SEC31A: variants seen among roughly 807,000 people sequenced by gnomAD.
SEC31A encodes the protein SEC31 homolog A, COPII component.
Under a neutral mutation model 151.0 loss-of-function variants are expected in SEC31A, and 70 were observed. That is an observed-to-expected ratio of 0.46 (90% CI 0.38 to 0.57). SEC31A has a LOEUF of 0.57. Among genes scored for constraint, SEC31A ranks in the 20% least tolerant of loss-of-function variants. The pLI is 0.00. For missense variants in SEC31A, 1,330 were observed against 1,471.2 expected (o/e 0.90, Z 1.57); for synonymous variants, 475 against 505.9 (o/e 0.94, Z 0.82).
intron 3 of SEC31A, among the ~76,000 whole-genome samples, chr4:82,879,492 G>T (rs1428775646): frequency 6.6e-6 from 1 of 151,990 alleles, no homozygotes; most frequent in Non-Finnish European, 1.5e-5. Context: ...ATGACATCAA[G>T]ATTATAACAA....
chr4:82,880,897 T>C lies in SEC31A; in HGVS notation c.105A>G (p.Ala35=). 1 of 1,610,430 alleles carries C rather than the reference T, an allele frequency of 6.2e-7. No individual in the cohort carries two copies. Among genetic ancestry groups the C allele is most frequent in the Non-Finnish European group, 8.5e-7 (1 of 1,177,116 alleles). Residue 35 remains alanine (A), a synonymous_variant, in exon 3 of 27, where the codon GCA becomes GCG. Coordinates refer to ENST00000395310, the MANE Select transcript of SEC31A (RefSeq NM_001077207.4). ...CAAGGGAAGCATTCGTACTAAATGTTGCATCCAATTGCTGAGCAGATGTTC... is the reference window on the plus strand; with the variant it reads ...CAAGGGAAGCATTCGTACTAAATGTCGCATCCAATTGCTGAGCAGATGTTC... ...ATGTSAQQLD[A]TFSTNASLEI...
At chr4:82,835,709 T>C (rs905721076) in intron 22 of SEC31A, among the ~76,000 whole-genome samples, 1 of 152,016 alleles carries the variant, frequency 6.6e-6, no homozygotes, top group Non-Finnish European at 1.5e-5. Flanking sequence ...GCATGAGAAT[T>C]GCTTGAACCT....
At chr4:82,857,928 C>T in intron 14 of SEC31A, 164 bp from the exon 15 acceptor site, 1 of 505,018 alleles carries the variant, frequency 2.0e-6, no homozygotes, top group Non-Finnish European at 3.6e-6. Flanking sequence ...CTATGCCTTC[C>T]CTAAATATTA....
intron 20 of SEC31A, among the ~76,000 whole-genome samples, chr4:82,848,032 T>C (rs955277108): frequency 1.3e-5 from 2 of 152,214 alleles, no homozygotes; most frequent in Non-Finnish European, 2.9e-5. Context: ...CAGCAATTTG[T>C]TCTATTTTAA....
chr4:82,821,979 A>G (rs897289304), intron 25 of SEC31A, among the ~76,000 whole-genome samples: 1 of 152,194 alleles, frequency 6.6e-6, no homozygotes, highest in Non-Finnish European at 1.5e-5. Flanking sequence ...GCAGCTTAAG[A>G]TTACTGAGGG....
intron 18 of SEC31A, among the ~76,000 whole-genome samples, chr4:82,852,464 T>C (rs1008560408): frequency 2.0e-5 from 3 of 152,202 alleles, no homozygotes; most frequent in Non-Finnish European, 4.4e-5. Flanking sequence ...GGAGCTATGC[T>C]TCTGGTAGAA....
At chr4:82,884,070 G>T (rs984959193) in intron 1 of SEC31A, among the ~76,000 whole-genome samples, 2 of 145,558 alleles carry the variant, frequency 1.4e-5, no homozygotes, top group Admixed American at 7.1e-5. Context: ...TCACTGCAAC[G>T]TCTGCCTCCG....
At position 82,819,137 on chromosome 4, in the gene SEC31A, C is replaced by T. The variant is rs1560573512; in HGVS notation, c.3600G>A (p.Glu1200=). ...TGAGAACTGGCATGAAAGCAGAGGT[C>T]TCACTGAAGTTGCTGGTGCTAACTA... ...THIVSTSNFS[E]TSAFMPVLKV... is the part of the protein sequence containing the mutation. The change falls in exon 27 of 27, where the codon GAG becomes GAA. Residue 1200 remains glutamate (E), a synonymous_variant. Transcript: ENST00000395310. The T allele has an allele frequency of 3.1e-6, 5 of 1,612,000 alleles. No homozygotes were observed. The highest frequency in any genetic ancestry group is 3.4e-6 in the Non-Finnish European group (4 of 1,178,994).
At chr4:82,849,722 AAG>A (rs1731077870) in intron 19 of SEC31A, among the ~76,000 whole-genome samples, 1 of 150,960 alleles carries the variant, frequency 6.6e-6, no homozygotes, top group South Asian at 2.1e-4. Context: ...AAAATGTTAA[AAG>A]AGATTTTTGA....
chr4:82,843,407 G>A (rs1045336637), intron 21 of SEC31A, among the ~76,000 whole-genome samples: 2 of 152,146 alleles, frequency 1.3e-5, no homozygotes, highest in Non-Finnish European at 2.9e-5. Flanking sequence ...CCAAAGTGCT[G>A]GGATTGCAGG....
chr4:82,863,414 C>A, intron 11 of SEC31A, 22 bp from the exon 12 acceptor site: 1 of 1,478,906 alleles, frequency 6.8e-7, no homozygotes, highest in Non-Finnish European at 9.1e-7. Context: ...AAGACATATT[C>A]TTAAAACAAA....
intron 8 of SEC31A, among the ~76,000 whole-genome samples, chr4:82,868,527 AT>A (rs66873735): frequency 0.45 from 66,886 of 149,490 alleles, 17,659 homozygotes; most frequent in Admixed American, 0.59. Context: ...ACTAAAAAAA[AT>A]AAATAAATAA....
In SEC31A at chr4:82,819,047, A is replaced by G. The variant is rs771752173; in HGVS notation, c.*27T>C. ...AACATGTTTCTTTGGAAAAATGGCA[A>G]TATTGAGTGGAAGAGAAGCTGTCCT... On this transcript the variant is annotated 3_prime_UTR_variant, in exon 27 of 27. Transcript: ENST00000395310. 1.3e-6 allele frequency: 2 copies of G among 1,564,082 alleles called. No individual in the cohort carries two copies. Among genetic ancestry groups the G allele is most frequent in the Non-Finnish European group, 1.7e-6 (2 of 1,157,992 alleles).
chr4:82,849,801 A>G (rs1353415735), intron 19 of SEC31A, among the ~76,000 whole-genome samples: 2 of 152,160 alleles, frequency 1.3e-5, no homozygotes, highest in African/African-American at 2.4e-5. Flanking sequence ...GAGACTTACA[A>G]AAGTATGAGG....
intron 1 of SEC31A, among the ~76,000 whole-genome samples, chr4:82,890,134 G>A (rs1578422438): frequency 6.7e-6 from 1 of 148,562 alleles, no homozygotes; most frequent in East Asian, 2.0e-4. Context: ...AGGCTGAGAC[G>A]GAGGTTGCAG....
At chr4:82,884,618 A>G (rs1740233560) in intron 1 of SEC31A, among the ~76,000 whole-genome samples, 1 of 152,220 alleles carries the variant, frequency 6.6e-6, no homozygotes, top group Non-Finnish European at 1.5e-5. Context: ...TGTATATTCT[A>G]TGGGTTTTGA....
chr4:82,890,313 TAC>T (rs1295707058), intron 1 of SEC31A, among the ~76,000 whole-genome samples: 3 of 149,016 alleles, frequency 2.0e-5, no homozygotes, highest in Non-Finnish European at 4.4e-5. Context: ...ATCGATTAAA[TAC>T]AGTTATAACT....
chr4:82,839,469 TAG>T (rs1487646098), intron 22 of SEC31A, among the ~76,000 whole-genome samples: 1 of 152,036 alleles, frequency 6.6e-6, no homozygotes, highest in Non-Finnish European at 1.5e-5. Flanking sequence ...GTATTTTTAG[TAG>T]AGACAGGGTT....
chr4:82,858,542 CAAAAAAAAAAAAAAAAAAAA>C (rs201988682), intron 14 of SEC31A, among the ~76,000 whole-genome samples: 1 of 62,946 alleles, frequency 1.6e-5, no homozygotes, highest in African/African-American at 4.3e-5. Context: ...GACTCTGTCT[CAAAAAAAAAAAAAAAAAAAA>C]AAAAAAAAGA....
Sources: gnomAD v4.1 joint callset for allele counts (sites outside exome capture counted in the v4.1 genomes callset) on GRCh38, gnomAD v4.1.1 for gene constraint, MANE v1.5 for transcripts, NCBI Gene and HGNC (gene_info 2026-07-23, HGNC 2026-07-21) for gene names.